GABRG3: variants seen among roughly 807,000 people sequenced by gnomAD.
The protein encoded by GABRG3 is gamma-aminobutyric acid receptor subunit gamma-3.
A neutral mutation model predicts 48.8 loss-of-function variants in GABRG3; 25 were observed. The ratio of observed to expected loss-of-function variants is 0.51; its 90% confidence interval spans 0.37 to 0.72. GABRG3 has a LOEUF of 0.72. Ranked by LOEUF, GABRG3 falls within the 30% of genes least tolerant of loss-of-function variation. GABRG3 has a pLI of 0.00. For missense variants in GABRG3, 394 were observed against 577.9 expected (o/e 0.68, Z 3.26); for synonymous variants, 227 against 217.6 (o/e 1.04, Z -0.38).
Position 27,381,905 on chromosome 15 carries a change from A to G in GABRG3, c.574+53017A>G, listed in dbSNP as rs529152801. On this transcript the variant is annotated intron_variant, in intron 5 of 9. Coordinates refer to ENST00000615808, the MANE Select transcript of GABRG3 (RefSeq NM_033223.5). Reference sequence around the variant, plus strand: ...TTTGTGTTGAGTGGATGGAAGTATGATTAATTTATAAGCTTTTCACGTGTG... The same window carrying G: ...TTTGTGTTGAGTGGATGGAAGTATGGTTAATTTATAAGCTTTTCACGTGTG... 7.9e-5 allele frequency among the ~76,000 whole-genome samples: 12 copies of G among 152,308 alleles called. No homozygotes were observed. In the South Asian group the frequency reaches 2.3e-3, roughly 29 times the overall value.
At chr15:27,227,311 C>T (rs867247644) in intron 3 of GABRG3, among the ~76,000 whole-genome samples, 12 of 152,132 alleles carry the variant, frequency 7.9e-5, no homozygotes, top group South Asian at 6.2e-4. Context: ...GACAACATGG[C>T]GAAACCCTGT....
At chr15:27,155,073 A>C (rs909045448) in intron 3 of GABRG3, among the ~76,000 whole-genome samples, 2 of 150,478 alleles carry the variant, frequency 1.3e-5, no homozygotes, top group African/African-American at 2.4e-5. Flanking sequence ...TTATTTTTTC[A>C]GTCTGTTTTC....
At chr15:27,259,902 A>G (rs530942991) in intron 3 of GABRG3, among the ~76,000 whole-genome samples, 1 of 152,288 alleles carries the variant, frequency 6.6e-6, no homozygotes, top group South Asian at 2.1e-4. Flanking sequence ...TGTCTGTGAA[A>G]TTTTGCGACC....
intron 3 of GABRG3, among the ~76,000 whole-genome samples, chr15:27,083,730 G>A (rs777646627): frequency 6.6e-6 from 1 of 152,112 alleles, no homozygotes; most frequent in African/African-American, 2.4e-5. Flanking sequence ...TCTACATATG[G>A]ATCATTCTTT....
intron 5 of GABRG3, among the ~76,000 whole-genome samples, chr15:27,332,681 C>A (rs1361056305): frequency 6.6e-6 from 1 of 152,144 alleles, no homozygotes; most frequent in African/African-American, 2.4e-5. Flanking sequence ...CAAAGCTGAA[C>A]AACTTGTTAT....
At chr15:27,403,930 A>AC (rs1887553296) in intron 5 of GABRG3, among the ~76,000 whole-genome samples, 1 of 119,108 alleles carries the variant, frequency 8.4e-6, no homozygotes, top group East Asian at 2.3e-4. Context: ...AAAAAAAAAC[A>AC]AAAAAAAAAA....
intron 5 of GABRG3, among the ~76,000 whole-genome samples, chr15:27,400,839 G>C (rs550566928): frequency 2.0e-5 from 3 of 151,858 alleles, no homozygotes; most frequent in Non-Finnish European, 4.4e-5. Context: ...GTGTAGGGAC[G>C]TGTGTCCTCT....
chr15:27,154,735 A>G (rs372145177), intron 3 of GABRG3, among the ~76,000 whole-genome samples: 2 of 152,080 alleles, frequency 1.3e-5, no homozygotes, highest in Non-Finnish European at 2.9e-5. Flanking sequence ...TCTGTTTGTT[A>G]ATATGTATCT....
At chr15:27,242,541 A>G (rs1443345812) in intron 3 of GABRG3, among the ~76,000 whole-genome samples, 1 of 152,202 alleles carries the variant, frequency 6.6e-6, no homozygotes, top group Admixed American at 6.5e-5. Context: ...TGAGCTTGAC[A>G]TCTCATTTCC....
At position 27,528,874 on chromosome 15, in the gene GABRG3, T is replaced by C. The variant is rs145100440; in HGVS notation, c.1122+882T>C. ...AATATATAATTTATATAGTCACATA[T>C]AGGATATATTCATGATATTAATGTT... is the stretch of plus-strand genomic sequence containing the variant. On this transcript the variant is annotated intron_variant, in intron 9 of 9. Coordinates refer to ENST00000615808, the MANE Select transcript of GABRG3 (RefSeq NM_033223.5). Among the ~76,000 whole-genome samples, 467 of 152,276 alleles carry C rather than the reference T, an allele frequency of 3.1e-3. 3 individuals carry two copies. The highest frequency in any genetic ancestry group is 0.011 in the African/African-American group (449 of 41,562).
At position 26,971,600 on chromosome 15, in the gene GABRG3, G is replaced by A. The variant is rs1237966483; in HGVS notation, c.53+12G>A. ...GGCTTGCACGCGCGGTAAGTGGCGC[G>A]GGGGCCGCATCCCCGGAGGCCCCGA... On this transcript the variant is annotated intron_variant, in intron 1 of 9. Coordinates refer to ENST00000615808, the MANE Select transcript of GABRG3 (RefSeq NM_033223.5). The A allele has an allele frequency of 3.3e-6, 5 of 1,523,452 alleles. No homozygotes were observed. The highest frequency in any genetic ancestry group is 3.5e-6 in the Non-Finnish European group (4 of 1,136,318). The allele number at this position is 1,523,452 out of a possible 1,614,324, so 94.4% of individuals were successfully genotyped here. A position where few individuals can be genotyped will look rare whatever the true frequency, so the allele number is the denominator to read the frequency against.
intron 3 of GABRG3, among the ~76,000 whole-genome samples, chr15:27,307,426 G>GGTTTATATATTTATATATAAACATATAT (rs1892641316): frequency 1.3e-5 from 1 of 75,292 alleles, no homozygotes; most frequent in Non-Finnish European, 3.0e-5. Context: ...TAAACATATA[G>GGTTTATATATTTATATATAAACATATAT]GTTTATATAT....
intron 3 of GABRG3, among the ~76,000 whole-genome samples, chr15:27,124,063 G>A (rs1436458865): frequency 6.6e-6 from 1 of 152,168 alleles, no homozygotes; most frequent in Non-Finnish European, 1.5e-5. Context: ...GTGTTTGGAG[G>A]GCAGCGGTGA....
intron 5 of GABRG3, among the ~76,000 whole-genome samples, chr15:27,331,299 T>G (rs1189833001): frequency 6.6e-6 from 1 of 152,216 alleles, no homozygotes. Context: ...CAGGTGTTTA[T>G]AGCAGCTTTC....
intron 5 of GABRG3, among the ~76,000 whole-genome samples, chr15:27,338,385 A>G (rs895334904): frequency 5.3e-5 from 8 of 152,236 alleles, no homozygotes; most frequent in African/African-American, 1.7e-4. Context: ...CTTTTTAAAC[A>G]TACTTGCTAT....
At chr15:27,496,145 T>C (rs982941794) in intron 6 of GABRG3, among the ~76,000 whole-genome samples, 12 of 152,118 alleles carry the variant, frequency 7.9e-5, no homozygotes, top group African/African-American at 2.9e-4. Flanking sequence ...GGGTTTGGAT[T>C]TGACACCGTG....
At chr15:27,075,594 A>G (rs1215840524) in intron 3 of GABRG3, among the ~76,000 whole-genome samples, 1 of 144,940 alleles carries the variant, frequency 6.9e-6, no homozygotes, top group Non-Finnish European at 1.5e-5. Context: ...TGAATAATTC[A>G]TGGGACCTGA....
rs181002709 is a variant in GABRG3 at position 27,127,364 on chromosome 15, A to G, written c.270+100543A>G. Among the ~76,000 whole-genome samples, 662 of 150,286 alleles carry G rather than the reference A, an allele frequency of 4.4e-3. 3 individuals are homozygous for G. Among genetic ancestry groups the G allele is most frequent in the Admixed American group, 9.6e-3 (143 of 14,850 alleles). ...AGCCAGTCAGAAAGACAAATTCTGT[A>G]TGATTCTACTTTTATGAAATACTTA... is the stretch of plus-strand genomic sequence containing the variant. On this transcript the variant is annotated intron_variant, in intron 3 of 9. Transcript: ENST00000615808.
intron 3 of GABRG3, among the ~76,000 whole-genome samples, chr15:27,153,382 T>TATCA (rs1033511043): frequency 1.5e-4 from 23 of 152,238 alleles, no homozygotes; most frequent in African/African-American, 5.5e-4. Flanking sequence ...TATCACACAA[T>TATCA]GTTGGTTACT....
Sources: gnomAD v4.1 joint callset for allele counts (sites outside exome capture counted in the v4.1 genomes callset) on GRCh38, gnomAD v4.1.1 for gene constraint, MANE v1.5 for transcripts, NCBI Gene and HGNC (gene_info 2026-07-23, HGNC 2026-07-21) for gene names.